The following CCDC171 variants were observed in gnomAD, a reference collection of about 807,000 sequenced individuals.
CCDC171 encodes the protein coiled-coil domain containing 171.
In CCDC171, 177 loss-of-function variants were observed where a neutral mutation model predicts 168.2. The ratio of observed to expected loss-of-function variants is 1.05; its 90% CI spans 0.93 to 1.19. CCDC171 has a LOEUF of 1.19. Ranked by LOEUF, CCDC171 falls within the 50% of genes most tolerant of loss-of-function variation. The pLI, the probability that CCDC171 is intolerant of heterozygous loss-of-function variation, is 0.00. For missense variants in CCDC171, 1,991 were observed against 1,539.0 expected (o/e 1.29, Z -4.91); for synonymous variants, 687 against 540.8 (o/e 1.27, Z -3.75).
chr9:15,554,623 T>C (rs2038635998), intron 1 of CCDC171, among the ~76,000 whole-genome samples: 1 of 152,148 alleles, frequency 6.6e-6, no homozygotes. Context: ...GTTTTGGTTG[T>C]CTCAGTCCCT....
chr9:15,737,573 T>C (rs1450210498), intron 16 of CCDC171, among the ~76,000 whole-genome samples: 1 of 152,176 alleles, frequency 6.6e-6, no homozygotes, highest in African/African-American at 2.4e-5. Context: ...CTTGCCTGTA[T>C]TGACATATTT....
chr9:15,732,203 C>G (rs988113732), intron 16 of CCDC171, among the ~76,000 whole-genome samples: 2 of 152,036 alleles, frequency 1.3e-5, no homozygotes, highest in African/African-American at 4.8e-5. Context: ...GTCCAACTTA[C>G]AAATCTTTTT....
intron 16 of CCDC171, among the ~76,000 whole-genome samples, chr9:15,739,740 ATTT>A (rs3082820): frequency 6.8e-6 from 1 of 146,162 alleles, no homozygotes. Context: ...TGTAATACCA[ATTT>A]TTTTTTTTTT....
chr9:15,730,039 C>T (rs887203388), intron 16 of CCDC171, among the ~76,000 whole-genome samples: 1 of 151,870 alleles, frequency 6.6e-6, no homozygotes, highest in African/African-American at 2.4e-5. Context: ...TAAAATATCC[C>T]AAAATGCATT....
At chr9:15,714,839 C>G (rs947145610) in intron 11 of CCDC171, among the ~76,000 whole-genome samples, 1 of 152,148 alleles carries the variant, frequency 6.6e-6, no homozygotes, top group African/African-American at 2.4e-5. Flanking sequence ...TTATGCAAAC[C>G]AAATGAGACT....
intron 23 of CCDC171, among the ~76,000 whole-genome samples, chr9:15,849,484 A>G (rs895766298): frequency 1.3e-5 from 2 of 151,566 alleles, no homozygotes; most frequent in African/African-American, 2.4e-5. Flanking sequence ...TTACTCCTGT[A>G]TGATAAACTC....
Position 15,670,938 on chromosome 9 carries a change from G to A in CCDC171, c.1076+4615G>A, listed in dbSNP as rs555635189. Among the ~76,000 whole-genome samples the A allele has an allele frequency of 2.5e-4, 38 of 152,118 alleles. No homozygotes were observed. The Middle Eastern group carries it at 0.014, about 54-fold the overall frequency. On this transcript the variant is annotated intron_variant, in intron 9 of 25. Transcript: ENST00000380701. ...TGGGAGGATTGCTGGAGGCCGAGGT[G>A]GGGGAGGATTGCTTTTGGTGGCGCA...
At chr9:15,877,553 G>T (rs1818019099) in intron 24 of CCDC171, among the ~76,000 whole-genome samples, 1 of 152,030 alleles carries the variant, frequency 6.6e-6, no homozygotes, top group African/African-American at 2.4e-5. Flanking sequence ...GGCATAGGAT[G>T]TTCCAATGAG....
chr9:15,833,790 A>G (rs1300186515), intron 21 of CCDC171, among the ~76,000 whole-genome samples: 1 of 152,182 alleles, frequency 6.6e-6, no homozygotes, highest in Non-Finnish European at 1.5e-5. Context: ...TTCTCATCTA[A>G]CTTTTAAAAC....
At chr9:15,560,207 T>C (rs1482840912) in intron 1 of CCDC171, among the ~76,000 whole-genome samples, 2 of 152,112 alleles carry the variant, frequency 1.3e-5, no homozygotes, top group South Asian at 2.1e-4. Flanking sequence ...TTATGTGTCT[T>C]GGAGTTGCTC....
chr9:15,665,406 G>A (rs961140406), intron 8 of CCDC171, among the ~76,000 whole-genome samples: 3 of 152,176 alleles, frequency 2.0e-5, no homozygotes, highest in African/African-American at 7.2e-5. Context: ...GGAATAAAAA[G>A]ATCTGTTAAA....
intron 24 of CCDC171, among the ~76,000 whole-genome samples, chr9:15,903,747 C>G (rs371184452): frequency 8.5e-5 from 13 of 152,134 alleles, no homozygotes; most frequent in Non-Finnish European, 1.9e-4. Flanking sequence ...GGAGGAAGTT[C>G]GAACCCATGG....
the CCDC171 span, among the ~76,000 whole-genome samples, chr9:16,071,869 T>C: frequency 6.6e-6 from 1 of 152,150 alleles, no homozygotes; most frequent in African/African-American, 2.4e-5. Flanking sequence ...CTAATATCCA[T>C]TTCAAACTGA....
intron 20 of CCDC171, among the ~76,000 whole-genome samples, chr9:15,782,237 T>G (rs2057702244): frequency 6.6e-6 from 1 of 152,210 alleles, no homozygotes; most frequent in Admixed American, 6.5e-5. Context: ...CGAAAGCTAT[T>G]TAGTACTTTA....
At chr9:15,697,948 T>G (rs1260399638) in intron 11 of CCDC171, among the ~76,000 whole-genome samples, 1 of 152,188 alleles carries the variant, frequency 6.6e-6, no homozygotes, top group Admixed American at 6.5e-5. Context: ...TGTGTAATCA[T>G]CAAATCAGGG....
At chr9:16,004,648 A>G (rs1304903907) in intron 3 of CCDC171, among the ~76,000 whole-genome samples, 1 of 152,206 alleles carries the variant, frequency 6.6e-6, no homozygotes, top group Non-Finnish European at 1.5e-5. Context: ...TCACTGCCTT[A>G]CTGAGCCACC....
rs542201989 is a variant in CCDC171, at chr9:16,053,551, A to G, written n.90-7095A>G. Among the ~76,000 whole-genome samples the G allele has an allele frequency of 3.9e-5, 6 of 152,336 alleles. 1 individual carries two copies. In the South Asian group the frequency reaches 1.2e-3, roughly 32 times the overall value. On this transcript the variant is annotated intron_variant and non_coding_transcript_variant, in intron 1 of 1. Transcript: ENST00000478913. The stretch of plus-strand genomic sequence containing the variant: ...TATGAGGGTGCATGGCACATAGGTG[A>G]AGAAGTGATTGCCTCTTTTCTCTCA...
At chr9:15,736,039 A>T (rs2054471276) in intron 16 of CCDC171, among the ~76,000 whole-genome samples, 1 of 152,106 alleles carries the variant, frequency 6.6e-6, no homozygotes, top group South Asian at 2.1e-4. Flanking sequence ...TTTAAGTATC[A>T]TTTCTATTTT....
At chr9:15,613,180 A>T (rs1479793202) in intron 6 of CCDC171, among the ~76,000 whole-genome samples, 1 of 152,156 alleles carries the variant, frequency 6.6e-6, no homozygotes, top group Non-Finnish European at 1.5e-5. Context: ...AATGTTTGAG[A>T]GTTCCAGTTT....
Sources: allele counts gnomAD v4.1 joint callset (sites outside exome capture counted in the v4.1 genomes callset), GRCh38; gene constraint gnomAD v4.1.1; transcripts MANE v1.5; gene names NCBI Gene and HGNC (gene_info 2026-07-23, HGNC 2026-07-21).